Variants in CPQ observed in about 807,000 individuals in gnomAD.
CPQ encodes carboxypeptidase Q.
A neutral mutation model predicts 45.7 loss-of-function variants in CPQ; 37 were observed. The observed-to-expected ratio is 0.81, with a 90% confidence interval of 0.62 to 1.07. CPQ has a LOEUF of 1.07. CPQ is among the 50% of genes least tolerant of loss of function. The probability of loss-of-function intolerance (pLI) is 0.00; values close to 1 mark genes in which losing one functional copy is unlikely to be tolerated. For missense variants in CPQ, 537 were observed against 572.9 expected, an observed-to-expected ratio of 0.94 and a Z score of 0.64; for synonymous variants, 186 against 205.8, an observed-to-expected ratio of 0.90 and a Z score of 0.82.
intron 2 of CPQ, among the ~76,000 whole-genome samples, chr8:96,830,787 G>T (rs1337588354): frequency 6.6e-6 from 1 of 152,140 alleles, no homozygotes; most frequent in African/African-American, 2.4e-5. Flanking sequence ...TTAAGGAAAA[G>T]AATTGCTGAC....
chr8:96,911,652 T>C (rs1812665831), intron 4 of CPQ, among the ~76,000 whole-genome samples: 1 of 152,200 alleles, frequency 6.6e-6, no homozygotes, highest in Admixed American at 6.5e-5. Flanking sequence ...TCTATAAAGC[T>C]TCCTGAAAAT....
At chr8:97,030,120 G>A (rs545339582) in intron 6 of CPQ, among the ~76,000 whole-genome samples, 1 of 152,338 alleles carries the variant, frequency 6.6e-6, no homozygotes, top group Admixed American at 6.5e-5. Context: ...AGCAAATTTT[G>A]AGACAGCAAA....
chr8:96,721,250 C>G (rs987279813), intron 1 of CPQ, among the ~76,000 whole-genome samples: 1 of 151,900 alleles, frequency 6.6e-6, no homozygotes, highest in Non-Finnish European at 1.5e-5. Context: ...GACTGCTGTC[C>G]TCTGCTTGGA....
intron 5 of CPQ, among the ~76,000 whole-genome samples, chr8:97,006,035 C>T (rs866267138): frequency 4.6e-5 from 7 of 152,254 alleles, no homozygotes; most frequent in Middle Eastern, 3.4e-3. Context: ...CAAAAATGTC[C>T]GATAAGGGAA....
At chr8:97,067,734 G>A (rs969896848) in intron 7 of CPQ, among the ~76,000 whole-genome samples, 8 of 152,144 alleles carry the variant, frequency 5.3e-5, no homozygotes, top group Non-Finnish European at 8.8e-5. Context: ...TCTTTGTTCT[G>A]TGTATGTTAA....
chr8:97,093,109 C>G (rs1811152049), intron 7 of CPQ, among the ~76,000 whole-genome samples: 1 of 152,048 alleles, frequency 6.6e-6, no homozygotes, highest in Admixed American at 6.6e-5. Context: ...AAATCAAAAC[C>G]ACAATGAGAT....
chr8:96,898,833 G>A (rs577246455), intron 4 of CPQ, among the ~76,000 whole-genome samples: 42 of 149,072 alleles, frequency 2.8e-4, no homozygotes, highest in African/African-American at 7.4e-4. Flanking sequence ...TTGTTGGGTC[G>A]GGGAGTGGCG....
At chr8:96,723,878 T>C (rs978273857) in intron 1 of CPQ, among the ~76,000 whole-genome samples, 1 of 152,120 alleles carries the variant, frequency 6.6e-6, no homozygotes. Context: ...AGGGGAAGAC[T>C]ACCAATTTAC....
chr8:96,859,249 C>A (rs1041842705), intron 3 of CPQ, among the ~76,000 whole-genome samples: 1 of 152,174 alleles, frequency 6.6e-6, no homozygotes, highest in Non-Finnish European at 1.5e-5. Context: ...GATTGTAATT[C>A]TTTGTCTCCT....
intron 1 of CPQ, among the ~76,000 whole-genome samples, chr8:96,742,509 C>A (rs1383580286): frequency 2.0e-5 from 3 of 151,400 alleles, no homozygotes; most frequent in African/African-American, 7.3e-5. Context: ...TGAGTTTGAT[C>A]CTGTCATTAT....
intron 3 of CPQ, among the ~76,000 whole-genome samples, chr8:96,852,141 C>T (rs561257396): frequency 1.1e-3 from 165 of 152,294 alleles, no homozygotes; most frequent in Middle Eastern, 6.8e-3. Context: ...TCTGCAGATA[C>T]GCAAACCTCA....
chr8:96,912,466 T>C (rs1388385904), intron 4 of CPQ, among the ~76,000 whole-genome samples: 1 of 152,194 alleles, frequency 6.6e-6, no homozygotes, highest in Non-Finnish European at 1.5e-5. Flanking sequence ...CTCAAAGTTC[T>C]AGTATAATAA....
intron 3 of CPQ, among the ~76,000 whole-genome samples, chr8:96,862,969 G>A (rs749369837): frequency 1.3e-5 from 2 of 152,028 alleles, no homozygotes; most frequent in Non-Finnish European, 2.9e-5. Context: ...AGGAGACTGA[G>A]TCCCAAAGAA....
At chr8:96,750,972 C>T (rs1161370273) in intron 1 of CPQ, among the ~76,000 whole-genome samples, 1 of 152,030 alleles carries the variant, frequency 6.6e-6, no homozygotes. Context: ...GATCTTATTC[C>T]TTTTTATGGT....
intron 7 of CPQ, among the ~76,000 whole-genome samples, chr8:97,096,778 T>C (rs17736547): frequency 0.025 from 3,844 of 152,308 alleles, 78 homozygotes; most frequent in Non-Finnish European, 0.038. Flanking sequence ...GGGAAGAGTA[T>C]AGTCCCTCAT....
intron 7 of CPQ, among the ~76,000 whole-genome samples, chr8:97,090,941 T>G (rs1023945910): frequency 1.8e-4 from 28 of 152,312 alleles, no homozygotes; most frequent in African/African-American, 6.0e-4. Context: ...CCCCTTTAAC[T>G]TCTGCTTTGT....
intron 1 of CPQ, among the ~76,000 whole-genome samples, chr8:96,738,036 G>C (rs1283952041): frequency 6.6e-6 from 1 of 152,066 alleles, no homozygotes; most frequent in East Asian, 1.9e-4. Context: ...TTGTTTGATA[G>C]TTCGTTTTGC....
chr8:97,020,242 A>T (rs1437948700), intron 5 of CPQ, among the ~76,000 whole-genome samples: 2 of 152,156 alleles, frequency 1.3e-5, no homozygotes, highest in Non-Finnish European at 2.9e-5. Flanking sequence ...CTAAGAGGAA[A>T]GTTCATAGCA....
At chr8:96,677,065 A>C (rs182483059) in intron 1 of CPQ, among the ~76,000 whole-genome samples, 24 of 151,506 alleles carry the variant, frequency 1.6e-4, no homozygotes, top group Non-Finnish European at 3.4e-4. Flanking sequence ...TTCTTTATTT[A>C]CTTGTTGTTT....
Sources: gnomAD v4.1 joint callset for allele counts (sites outside exome capture counted in the v4.1 genomes callset) on GRCh38, gnomAD v4.1.1 for gene constraint, MANE v1.5 for transcripts, NCBI Gene and HGNC (gene_info 2026-07-23, HGNC 2026-07-21) for gene names.